PDZRN3: variants seen among roughly 807,000 people sequenced by gnomAD.
PDZRN3 encodes E3 ubiquitin-protein ligase PDZRN3.
A neutral mutation model predicts 85.7 loss-of-function variants in PDZRN3; 38 were observed. The ratio of observed to expected loss-of-function variants is 0.44; its 90% confidence interval spans 0.34 to 0.58. The LOEUF is 0.58. PDZRN3 is among the 20% of genes least tolerant of loss of function. The probability of loss-of-function intolerance (pLI) is 0.01; values close to 1 mark genes in which losing one functional copy is unlikely to be tolerated. For synonymous variants in PDZRN3, 759 were observed against 638.0 expected (o/e 1.19, Z -2.86); for missense variants, 1,629 against 1,506.4 (o/e 1.08, Z -1.35).
At chr3:73,595,926 A>C (rs1702424679) in intron 3 of PDZRN3, among the ~76,000 whole-genome samples, 1 of 152,212 alleles carries the variant, frequency 6.6e-6, no homozygotes, top group Non-Finnish European at 1.5e-5. Context: ...GAAGGTGCCT[A>C]GAAGCAATGA....
chr3:73,437,091 T>TTATATGG (rs145193488), intron 3 of PDZRN3, among the ~76,000 whole-genome samples: 10,683 of 151,450 alleles, frequency 0.071, 407 homozygotes, highest in Middle Eastern at 0.17. Context: ...AGGACTGTTG[T>TTATATGG]TTATATGGGT....
At chr3:73,537,978 A>G (rs1323884683) in intron 3 of PDZRN3, among the ~76,000 whole-genome samples, 3 of 152,112 alleles carry the variant, frequency 2.0e-5, no homozygotes, top group Admixed American at 1.3e-4. Context: ...CAGGTATCAT[A>G]GTCAATATCA....
At chr3:73,538,243 T>G (rs1704836415) in intron 3 of PDZRN3, among the ~76,000 whole-genome samples, 1 of 152,240 alleles carries the variant, frequency 6.6e-6, no homozygotes, top group African/African-American at 2.4e-5. Flanking sequence ...AGACATTCTC[T>G]AATTACTTCT....
chr3:73,607,879 TCTTTTC>T (rs1702626431), intron 2 of PDZRN3, among the ~76,000 whole-genome samples: 1 of 152,250 alleles, frequency 6.6e-6, no homozygotes. Flanking sequence ...ATTTTTGTTT[TCTTTTC>T]CTTTAACTAC....
At chr3:73,526,526 C>A (rs948631560) in intron 3 of PDZRN3, among the ~76,000 whole-genome samples, 1 of 152,144 alleles carries the variant, frequency 6.6e-6, no homozygotes, top group Admixed American at 6.5e-5. Context: ...CAGGAGCAGT[C>A]AGAAACAAAG....
chr3:73,457,784 G>A (rs749078139), intron 3 of PDZRN3, among the ~76,000 whole-genome samples: 21 of 152,208 alleles, frequency 1.4e-4, no homozygotes, highest in Non-Finnish European at 2.8e-4. Flanking sequence ...GCCCCAGAAA[G>A]CACCCTTGCC....
chr3:73,580,279 G>T (rs1702179564), intron 3 of PDZRN3, among the ~76,000 whole-genome samples: 1 of 152,204 alleles, frequency 6.6e-6, no homozygotes, highest in East Asian at 1.9e-4. Flanking sequence ...GAGGATGAGA[G>T]CCTCTGAGAA....
intron 3 of PDZRN3, among the ~76,000 whole-genome samples, chr3:73,559,577 C>T (rs1701774007): frequency 6.6e-6 from 1 of 152,184 alleles, no homozygotes; most frequent in Non-Finnish European, 1.5e-5. Context: ...TTGGAGCCTT[C>T]AGTTGATTTG....
At chr3:73,466,188 C>T (rs1241147809) in intron 3 of PDZRN3, among the ~76,000 whole-genome samples, 1 of 152,114 alleles carries the variant, frequency 6.6e-6, no homozygotes, top group Non-Finnish European at 1.5e-5. Context: ...GGGTAACTCT[C>T]TAGTGAAGAA....
chr3:73,449,278 T>A (rs1196890479), intron 3 of PDZRN3, among the ~76,000 whole-genome samples: 1 of 152,062 alleles, frequency 6.6e-6, no homozygotes, highest in East Asian at 1.9e-4. Context: ...GGCGAGGAAC[T>A]CCATGGCCTG....
At chr3:73,563,199 T>C (rs1316643063) in intron 3 of PDZRN3, among the ~76,000 whole-genome samples, 3 of 149,418 alleles carry the variant, frequency 2.0e-5, no homozygotes, top group African/African-American at 7.4e-5. Context: ...TTTTTTGTTG[T>C]TGTTGTTTTG....
At chr3:73,603,868 CAA>C (rs1214220159) in intron 2 of PDZRN3, among the ~76,000 whole-genome samples, 1 of 102,496 alleles carries the variant, frequency 9.8e-6, no homozygotes, top group Non-Finnish European at 1.9e-5. Flanking sequence ...CACACTTCCC[CAA>C]ACACACACAC....
intron 3 of PDZRN3, among the ~76,000 whole-genome samples, chr3:73,414,832 A>G (rs1311027137): frequency 6.6e-6 from 1 of 152,260 alleles, no homozygotes; most frequent in Non-Finnish European, 1.5e-5. Flanking sequence ...ATTTAAAAAT[A>G]ATTCTACATC....
chr3:73,588,489 C>G (rs143363258), intron 3 of PDZRN3, among the ~76,000 whole-genome samples: 206 of 152,314 alleles, frequency 1.4e-3, no homozygotes, highest in African/African-American at 4.8e-3. Context: ...TCCTGAACTA[C>G]TGCCCAGATC....
chr3:73,385,809 A>C, intron 8 of PDZRN3, 24 bp from the exon 9 acceptor site: 1 of 1,293,260 alleles, frequency 7.7e-7, no homozygotes, highest in Non-Finnish European at 1.1e-6. Context: ...CAGCCAACAC[A>C]TGCCTTAGAA....
chr3:73,384,622 C>T lies in PDZRN3; in HGVS notation c.1944G>A (p.Glu648=), dbSNP rs771233163. ...IPVDECERFR[E]LLELKCQVKS... is the part of the protein sequence containing the mutation. ...TCACCTGGCACTTGAGCTCCAGGAG[C>T]TCGCGGAAGCGCTCGCACTCGTCCA... is the stretch of plus-strand genomic sequence containing the variant. The change falls in exon 10 of 10, where the codon GAG becomes GAA. Residue 648 remains glutamate, a synonymous_variant. Transcript: ENST00000263666. 11 of 1,613,856 alleles carry T rather than the reference C, an allele frequency of 6.8e-6. No homozygotes were observed. Among genetic ancestry groups the T allele is most frequent in the Non-Finnish European group, 9.3e-6 (11 of 1,180,042 alleles).
intron 3 of PDZRN3, among the ~76,000 whole-genome samples, chr3:73,567,603 C>T (rs1048285980): frequency 2.0e-5 from 3 of 152,162 alleles, no homozygotes; most frequent in African/African-American, 7.2e-5. Context: ...TCTTATTTAT[C>T]TGCCAGACAT....
chr3:73,524,759 A>G (rs1157218615), intron 3 of PDZRN3, among the ~76,000 whole-genome samples: 1 of 152,026 alleles, frequency 6.6e-6, no homozygotes, highest in Non-Finnish European at 1.5e-5. Context: ...GGTTAGTGAC[A>G]TTGTTACCCA....
intron 3 of PDZRN3, among the ~76,000 whole-genome samples, chr3:73,491,423 T>G (rs1447408915): frequency 1.3e-5 from 2 of 152,138 alleles, no homozygotes; most frequent in African/African-American, 4.8e-5. Flanking sequence ...GGAGCCCATT[T>G]CAAGAAGATG....
Sources: gnomAD v4.1 joint callset for allele counts (sites outside exome capture counted in the v4.1 genomes callset) on GRCh38, gnomAD v4.1.1 for gene constraint, MANE v1.5 for transcripts, NCBI Gene and HGNC (gene_info 2026-07-23, HGNC 2026-07-21) for gene names.